TUBA8: variants seen among roughly 807,000 people sequenced by gnomAD.
The protein encoded by TUBA8 is tubulin alpha 8.
Under a neutral mutation model 34.7 loss-of-function variants are expected in TUBA8, and 29 were observed. That is an observed-to-expected ratio of 0.84 (90% confidence interval 0.62 to 1.14). TUBA8 has a LOEUF of 1.14. Among genes scored for constraint, TUBA8 ranks in the 50% most tolerant of loss-of-function variants. The probability of loss-of-function intolerance (pLI) is 0.00; values close to 1 mark genes in which losing one functional copy is unlikely to be tolerated. For synonymous variants in TUBA8, 226 were observed against 231.2 expected (o/e 0.98, Z 0.21); for missense variants, 541 against 599.2 (o/e 0.90, Z 1.01).
chr22:18,116,207 T>C (rs1270271861), intron 1 of TUBA8: 3 of 151,658 alleles, frequency 2.0e-5, no homozygotes, highest in Non-Finnish European at 4.4e-5. Context: ...AGATGACCCA[T>C]TTTCAAAGAG....
At chr22:18,130,105 C>T (rs943110292) in intron 4 of TUBA8, 2 of 152,158 alleles carry the variant, frequency 1.3e-5, no homozygotes, top group Non-Finnish European at 2.9e-5. Context: ...CGGGGCCTTT[C>T]GGCTCTCTTT....
chr22:18,130,865 C>CG lies in TUBA8; in HGVS notation c.1080dup (p.Thr361AspfsTer60). On this transcript the variant is annotated frameshift_variant, in exon 5 of 5. Coordinates refer to ENST00000330423, the MANE Select transcript of TUBA8 (RefSeq NM_018943.3). LOFTEE classifies it high-confidence loss of function. ...CAGGTGGGCATCAACTACCAGCCCCCGACCGTGGTCCCCGGGGGAGACCTG... is the reference window on the plus strand; with the variant it reads ...CAGGTGGGCATCAACTACCAGCCCCCGGACCGTGGTCCCCGGGGGAGACCTG... 1.2e-6 allele frequency: 2 copies of CG among 1,613,908 alleles called. No homozygotes were observed. The highest frequency in any genetic ancestry group is 1.7e-6 in the Non-Finnish European group (2 of 1,179,996).
intron 1 of TUBA8, chr22:18,112,114 T>G (rs989547182): frequency 6.6e-6 from 1 of 152,230 alleles, no homozygotes; most frequent in Non-Finnish European, 1.5e-5. Context: ...CTCCTGGCTC[T>G]GCAGCTAGCT....
chr22:18,112,246 T>C (rs1273012344), intron 1 of TUBA8: 1 of 152,224 alleles, frequency 6.6e-6, no homozygotes, highest in Non-Finnish European at 1.5e-5. Context: ...AAACTTTTTA[T>C]GGTAGGGAAT....
chr22:18,121,495 T>A lies in TUBA8; in HGVS notation c.20T>A (p.Val7Asp), dbSNP rs1425204738. The change falls in exon 2 of 5, where the codon GTC becomes GAC. Residue 7 changes from valine to aspartate, a missense_variant. Coordinates refer to ENST00000330423, the MANE Select transcript of TUBA8 (RefSeq NM_018943.3). This position sits in a 1 kb window ranked among gnomAD's most constrained non-coding sequence, Gnocchi z 4.8. The stretch of plus-strand genomic sequence containing the variant: ...TCCCCACAGCGGGAATGCATATCAG[T>A]CCACGTGGGCCAAGCGGGAGTTCAG... Reference protein sequence around the residue: MRECISVHVGQAGVQIG... With the variant: MRECISDHVGQAGVQIG... 10 of 1,614,138 alleles carry A rather than the reference T, an allele frequency of 6.2e-6. No homozygotes were observed. Among genetic ancestry groups the A allele is most frequent in the Non-Finnish European group, 7.6e-6 (9 of 1,180,010 alleles).
rs977800891 is a variant in TUBA8, at chr22:18,111,272, G to C, written c.3+404G>C. ...CGGGGCGACTGGGGGGCCAGATGCAGTCACGTCTCCGAACCCAGCCTAATG... is the reference window on the plus strand; with the variant it reads ...CGGGGCGACTGGGGGGCCAGATGCACTCACGTCTCCGAACCCAGCCTAATG... On this transcript the variant is annotated intron_variant, in intron 1 of 4. Coordinates refer to ENST00000330423, the MANE Select transcript of TUBA8 (RefSeq NM_018943.3). The surrounding 1 kb of genome is among the most constrained non-coding windows in gnomAD (Gnocchi z 5.1). The C allele has an allele frequency of 1.1e-5, 3 of 283,764 alleles. No individual in the cohort carries two copies. Among genetic ancestry groups the C allele is most frequent in the African/African-American group, 4.4e-5 (2 of 45,190 alleles). 17.6% of individuals were successfully genotyped at this position (283,764 alleles called of 1,614,324 possible).
In TUBA8 at chr22:18,126,795, G is replaced by T. The variant is rs940095586; in HGVS notation, c.817G>T (p.Ala273Ser). Reference sequence around the variant, plus strand: ...CATCCACTTCCCGCTGGTCACCTACGCGCCCATCATCTCTGCCGAGAAAGC... The same window carrying T: ...CATCCACTTCCCGCTGGTCACCTACTCGCCCATCATCTCTGCCGAGAAAGC... Reference protein sequence around the residue: ...PRIHFPLVTYAPIISAEKAYH... With the variant: ...PRIHFPLVTYSPIISAEKAYH... The change falls in exon 4 of 5, where the codon GCG becomes TCG. Residue 273 changes from alanine (A) to serine (S), a missense_variant. Ala to Ser is a moderately conservative substitution (Grantham distance 99). Coordinates refer to ENST00000330423, the MANE Select transcript of TUBA8 (RefSeq NM_018943.3). This position sits in a 1 kb window ranked among gnomAD's most constrained non-coding sequence, Gnocchi z 4.0. 2 of 1,613,898 alleles carry T rather than the reference G, an allele frequency of 1.2e-6. No individual in the cohort carries two copies. The highest frequency in any genetic ancestry group is 4.5e-5 in the East Asian group (2 of 44,874).
Position 18,126,358 on chromosome 22 carries a change from A to G in TUBA8, c.380A>G (p.Asp127Gly), listed in dbSNP as rs1463636963. The G allele has an allele frequency of 1.9e-6, 3 of 1,614,004 alleles. No individual in the cohort carries two copies. Among genetic ancestry groups the G allele is most frequent in the East Asian group, 4.5e-5 (2 of 44,888 alleles). Residue 127 changes from aspartate to glycine, a missense_variant, in exon 4 of 5, where the codon GAT (aspartate) becomes GGT (glycine). Transcript: ENST00000330423. This position sits in a 1 kb window ranked among gnomAD's most constrained non-coding sequence, Gnocchi z 4.0. ...LVLDRIRKLT[D>G]ACSGLQGFLI... ...CTCATGTCCTGCTCTCCCTAGACAG[A>G]TGCTTGCTCTGGCCTGCAGGGCTTC... is the stretch of plus-strand genomic sequence containing the variant.
rs1048512422 is a variant in TUBA8, at chr22:18,126,287, T to C, written c.376-67T>C. On this transcript the variant is annotated intron_variant, in intron 3 of 4. Coordinates refer to ENST00000330423, the MANE Select transcript of TUBA8 (RefSeq NM_018943.3). The surrounding 1 kb of genome is among the most constrained non-coding windows in gnomAD (Gnocchi z 4.0). Reference sequence around the variant, plus strand: ...AGGCAGACAGAGTGGGCGGTCTGGCTTTTTTACTGTGGGGTGTTCTCGGAA... The same window carrying C: ...AGGCAGACAGAGTGGGCGGTCTGGCCTTTTTACTGTGGGGTGTTCTCGGAA... The C allele has an allele frequency of 1.3e-6, 2 of 1,535,954 alleles. No homozygotes were observed. Among genetic ancestry groups the C allele is most frequent in the Non-Finnish European group, 1.8e-6 (2 of 1,110,438 alleles).
At chr22:18,116,053 G>A (rs560486886) in intron 1 of TUBA8, 49 of 152,442 alleles carry the variant, frequency 3.2e-4, no homozygotes, top group African/African-American at 1.2e-3. Context: ...CATGTGCTCT[G>A]ATTGGCTAGA....
chr22:18,121,170 T>C lies in TUBA8; in HGVS notation c.4-309T>C, dbSNP rs1482168370. 4 of 384,546 alleles carry C rather than the reference T, an allele frequency of 1.0e-5. No homozygotes were observed. The highest frequency in any genetic ancestry group is 2.0e-5 in the Non-Finnish European group (4 of 202,402). The allele number at this position is 384,546 out of a possible 1,614,324, so 23.8% of individuals were successfully genotyped here. A position where few individuals can be genotyped will look rare whatever the true frequency, so the allele number is the denominator to read the frequency against. ...TTCTTCCTTGGGCCTTCTTCACCAG[T>C]GCAGGAATCTTGTGGTTTGGAATTA... is the stretch of plus-strand genomic sequence containing the variant. On this transcript the variant is annotated intron_variant, in intron 1 of 4. Transcript: ENST00000330423. The surrounding 1 kb of genome is among the most constrained non-coding windows in gnomAD (Gnocchi z 4.8).
chr22:18,121,261 G>A lies in TUBA8; in HGVS notation c.4-218G>A. On this transcript the variant is annotated intron_variant, in intron 1 of 4. Transcript: ENST00000330423. This position sits in a 1 kb window ranked among gnomAD's most constrained non-coding sequence, Gnocchi z 4.8. ...TCCTGGTATAAAAGGTCAACCCTGG[G>A]AAGCAACCTTTAGAGCAAAGCACAA... 3.5e-6 allele frequency: 2 copies of A among 579,572 alleles called. No individual in the cohort carries two copies. The highest frequency in any genetic ancestry group is 3.7e-5 in the African/African-American group (2 of 53,540). 35.9% of individuals were successfully genotyped at this position (579,572 alleles called of 1,614,324 possible). A position where few individuals can be genotyped will look rare whatever the true frequency, so the allele number is the denominator to read the frequency against.
chr22:18,110,898 G>A lies in TUBA8; in HGVS notation c.3+30G>A, dbSNP rs768186229. On this transcript the variant is annotated intron_variant, in intron 1 of 4. Transcript: ENST00000330423. The surrounding 1 kb of genome is among the most constrained non-coding windows in gnomAD (Gnocchi z 6.2). ...GGCTTCCCGGGGCCAGGCGGGCTGC[G>A]GGCGCGCGGCAGGCGTAGGACCGAG... 10 of 1,543,904 alleles carry A rather than the reference G, an allele frequency of 6.5e-6. No homozygotes were observed. The highest frequency in any genetic ancestry group is 8.7e-6 in the Non-Finnish European group (10 of 1,151,710).
chr22:18,131,679 G>T lies in TUBA8; in HGVS notation c.*543G>T, dbSNP rs904731632. 1 of 171,892 alleles carries T rather than the reference G, an allele frequency of 5.8e-6. No homozygotes were observed. Among genetic ancestry groups the T allele is most frequent in the Non-Finnish European group, 1.3e-5 (1 of 79,492 alleles). The allele number at this position is 171,892 out of a possible 1,614,324, so 10.6% of individuals were successfully genotyped here. Reference sequence around the variant, plus strand: ...CTGGAGAGTTGGTGATAAGCGAGACGAACACATTTCCTGCCCTCATACACA... The same window carrying T: ...CTGGAGAGTTGGTGATAAGCGAGACTAACACATTTCCTGCCCTCATACACA... On this transcript the variant is annotated 3_prime_UTR_variant, in exon 5 of 5. Transcript: ENST00000330423. This position sits in a 1 kb window ranked among gnomAD's most constrained non-coding sequence, Gnocchi z 5.3.
rs758769509 is a variant in TUBA8, at chr22:18,131,422, G to A, written c.*286G>A. ...TTTCACATGCGAGGAGGCCTAATCA[G>A]GAGTTTCAATTCCAGATCGGGCTGG... is the stretch of plus-strand genomic sequence containing the variant. On this transcript the variant is annotated 3_prime_UTR_variant, in exon 5 of 5. Coordinates refer to ENST00000330423, the MANE Select transcript of TUBA8 (RefSeq NM_018943.3). The surrounding 1 kb of genome is among the most constrained non-coding windows in gnomAD (Gnocchi z 5.3). 2 of 425,298 alleles carry A rather than the reference G, an allele frequency of 4.7e-6. No individual in the cohort carries two copies. Among genetic ancestry groups the A allele is most frequent in the Non-Finnish European group, 8.7e-6 (2 of 229,408 alleles). 26.3% of individuals were successfully genotyped at this position (425,298 alleles called of 1,614,324 possible).
rs115847686 is a variant in TUBA8 at position 18,124,179 on chromosome 22, C to T, written c.250C>T (p.Arg84Cys). 1.0e-3 allele frequency: 1,616 copies of T among 1,614,136 alleles called. 14 individuals carry two copies. In the African/African-American group the frequency reaches 0.019, roughly 19 times the overall value. ...VVDEVRAGTY[R>C]QLFHPEQLIT... ...AGATGAGGTTCGGGCAGGAACCTAC[C>T]GCCAGCTCTTCCATCCAGAGCAGCT... Residue 84 changes from arginine (R) to cysteine (C), a missense_variant, in exon 3 of 5, where the codon CGC becomes TGC. Physicochemically the swap from Arg to Cys is radical, Grantham distance 180. Transcript: ENST00000330423. This position sits in a 1 kb window ranked among gnomAD's most constrained non-coding sequence, Gnocchi z 4.3.
chr22:18,126,972 A>G lies in TUBA8; in HGVS notation c.994A>G (p.Ile332Val). 1.2e-6 allele frequency: 2 copies of G among 1,613,682 alleles called. No homozygotes were observed. Among genetic ancestry groups the G allele is most frequent in the South Asian group, 1.1e-5 (1 of 91,040 alleles). The change falls in exon 4 of 5, where the codon ATT becomes GTT. Residue 332 changes from isoleucine (I) to valine (V), a missense_variant. Ile to Val is a conservative substitution (Grantham distance 29). Coordinates refer to ENST00000330423, the MANE Select transcript of TUBA8 (RefSeq NM_018943.3). This position sits in a 1 kb window ranked among gnomAD's most constrained non-coding sequence, Gnocchi z 4.0. ...GGTGCCCAAGGATGTGAATGTCGCT[A>G]TTGCTGCCATCAAGACCAAGAGGAC... The part of the protein sequence containing the change: ...DVVPKDVNVA[I>V]AAIKTKRTIQ...
chr22:18,115,904 A>G (rs1927956217), intron 1 of TUBA8: 1 of 152,168 alleles, frequency 6.6e-6, no homozygotes, highest in South Asian at 2.1e-4. Flanking sequence ...CCCCAGAAGA[A>G]GTTGGGTGGG....
chr22:18,127,086 G>A lies in TUBA8; in HGVS notation c.1056+52G>A, dbSNP rs188684713. The A allele has an allele frequency of 4.3e-5, 68 of 1,599,726 alleles. No individual in the cohort carries two copies. In the East Asian group the frequency reaches 1.4e-3, roughly 33 times the overall value. On this transcript the variant is annotated intron_variant, in intron 4 of 4. Coordinates refer to ENST00000330423, the MANE Select transcript of TUBA8 (RefSeq NM_018943.3). ...AGAGAGGACTAGAGAAGCAGAGGGAGGTGACCAAGGATATGCAATTCCATG... is the reference window on the plus strand; with the variant it reads ...AGAGAGGACTAGAGAAGCAGAGGGAAGTGACCAAGGATATGCAATTCCATG...
Sources: allele counts gnomAD v4.1 joint callset, GRCh38; gene constraint gnomAD v4.1.1; non-coding constraint Gnocchi (gnomAD v3.1); transcripts MANE v1.5; gene names NCBI Gene and HGNC (gene_info 2026-07-23, HGNC 2026-07-21).